EIF3I: variants seen among roughly 807,000 people sequenced by gnomAD.
EIF3I encodes eukaryotic translation initiation factor 3 subunit I, also known as TGF-beta receptor-interacting protein 1.
A neutral mutation model predicts 43.3 loss-of-function variants in EIF3I; 20 were observed. The ratio of observed to expected loss-of-function variants is 0.46; its 90% CI spans 0.32 to 0.67. The LOEUF (loss-of-function observed/expected upper bound fraction) is 0.67, where lower values mean the gene tolerates loss of function less well. EIF3I is among the 30% of genes least tolerant of loss of function. The pLI is 0.03. For synonymous variants in EIF3I, 167 were observed against 151.7 expected (o/e 1.10, Z -0.74); for missense variants, 279 against 421.4 (o/e 0.66, Z 2.96).
At chr1:32,226,037 A>C in intron 4 of EIF3I, 134 bp from the exon 5 acceptor site, 1 of 1,239,330 alleles carries the variant, frequency 8.1e-7, no homozygotes, top group South Asian at 1.6e-5. Flanking sequence ...GAAAAAAAAA[A>C]AGAAAAGTTA....
chr1:32,229,342 G>A (rs1010450040), intron 9 of EIF3I, 134 bp downstream of exon 9: 3 of 870,848 alleles, frequency 3.4e-6, no homozygotes, highest in Non-Finnish European at 1.7e-6. Context: ...CTCACTGCAA[G>A]CTCTGCCTCC....
chr1:32,233,617 T>C (rs1639266448), downstream of EIF3I, among the ~76,000 whole-genome samples: 1 of 152,274 alleles, frequency 6.6e-6, no homozygotes, highest in African/African-American at 2.4e-5. Context: ...ATCCCCTTCA[T>C]GCTACCGATG....
At chr1:32,229,960 C>G (rs1476481307) in intron 9 of EIF3I, among the ~76,000 whole-genome samples, 2 of 152,152 alleles carry the variant, frequency 1.3e-5, no homozygotes, top group Non-Finnish European at 2.9e-5. Flanking sequence ...ATTTATTAAG[C>G]TCTTTAAGCA....
downstream of EIF3I, among the ~76,000 whole-genome samples, chr1:32,233,249 G>T (rs1416040136): frequency 1.3e-5 from 2 of 152,184 alleles, no homozygotes; most frequent in Non-Finnish European, 2.9e-5. Context: ...CTGACTCCCA[G>T]GTTCAAGTGA....
At chr1:32,223,135 A>G (rs1009235113) in intron 2 of EIF3I, among the ~76,000 whole-genome samples, 1 of 152,186 alleles carries the variant, frequency 6.6e-6, no homozygotes, top group Non-Finnish European at 1.5e-5. Flanking sequence ...GGGATAATCT[A>G]ATCTTTCTAC....
chr1:32,224,179 T>TGAGTTGG lies in EIF3I; in HGVS notation c.184+74_184+80dup, dbSNP rs551944462. The TGAGTTGG allele has an allele frequency of 1.5e-5, 23 of 1,576,994 alleles. No individual in the cohort carries two copies. The East Asian group carries it at 4.5e-4, about 31-fold the overall frequency. On this transcript the variant is annotated intron_variant, in intron 3 of 11. Coordinates refer to ENST00000676679, the Ensembl canonical transcript of EIF3I. Reference sequence around the variant, plus strand: ...TAGGGTCTGTCAGCGATGGAGAGGCTGAGTTGGGAGTTGGGAGTTGGGGGT... The same window carrying TGAGTTGG: ...TAGGGTCTGTCAGCGATGGAGAGGCTGAGTTGGGAGTTGGGAGTTGGGAGTTGGGGGT...
exon 12 of EIF3I, chr1:32,231,164 C>G (rs771414600): frequency 6.2e-7 from 1 of 1,613,934 alleles, no homozygotes; most frequent in East Asian, 2.2e-5. Flanking sequence ...TTACTTCGAC[C>G]CACAGTACTT....
chr1:32,222,899 C>A lies in EIF3I; in HGVS notation c.96+269C>A, dbSNP rs551243640. Among the ~76,000 whole-genome samples the A allele has an allele frequency of 2.2e-4, 34 of 152,208 alleles. 1 individual carries two copies. The South Asian group carries it at 4.3e-3, about 19-fold the overall frequency. ...GTCGCTTGAGCCCAGGAGTTGGAGA[C>A]CAGCCTGAGCAACGTAGTAAGACCC... On this transcript the variant is annotated intron_variant, in intron 2 of 11. Coordinates refer to ENST00000676679, the Ensembl canonical transcript of EIF3I.
At position 32,222,641 on chromosome 1, in the gene EIF3I, G is replaced by C; in HGVS notation, c.96+11G>C. ...GTGGCCAAGGACCCTGTGAGTGTTG[G>C]CTGGAGGGGGTCCGGGAGGGGCGGG... On this transcript the variant is annotated intron_variant, in intron 2 of 11. Coordinates refer to ENST00000676679, the Ensembl canonical transcript of EIF3I. 1 of 1,613,498 alleles carries C rather than the reference G, an allele frequency of 6.2e-7. No individual in the cohort carries two copies. Among genetic ancestry groups the C allele is most frequent in the Non-Finnish European group, 8.5e-7 (1 of 1,179,476 alleles).
intron 11 of EIF3I, 33 bp from the exon 11 acceptor site, chr1:32,231,082 G>C: frequency 6.2e-7 from 1 of 1,614,002 alleles, no homozygotes; most frequent in Non-Finnish European, 8.5e-7. Flanking sequence ...CCCAGAGTAA[G>C]CACCTGACTG....
intron 5 of EIF3I, 41 bp downstream of exon 5, chr1:32,226,361 C>T (rs377229890): frequency 5.0e-5 from 80 of 1,613,318 alleles, no homozygotes; most frequent in Non-Finnish European, 6.6e-5. Flanking sequence ...GTAAAGGGTA[C>T]AGTTCTAGAG....
chr1:32,227,496 C>T (rs1639166415), intron 6 of EIF3I, among the ~76,000 whole-genome samples: 2 of 151,962 alleles, frequency 1.3e-5, no homozygotes, highest in Non-Finnish European at 2.9e-5. Context: ...GGATCACAGG[C>T]CGGGTGTGGT....
intron 2 of EIF3I, 125 bp downstream of exon 2, chr1:32,222,755 C>A: frequency 2.1e-6 from 2 of 949,110 alleles, no homozygotes; most frequent in Non-Finnish European, 3.3e-6. Context: ...TAGGGAGAGG[C>A]CATGCCGGGG....
Position 32,229,120 on chromosome 1 carries a change from T to C in EIF3I, c.730-15T>C. Reference sequence around the variant, plus strand: ...GTGTCCATTGGTCCCATCTAGAGTTTCTTCTTCCATTCAGGTGGTCCTGGG... The same window carrying C: ...GTGTCCATTGGTCCCATCTAGAGTTCCTTCTTCCATTCAGGTGGTCCTGGG... On this transcript the variant is annotated splice_polypyrimidine_tract_variant and intron_variant, in intron 8 of 11. Coordinates refer to ENST00000676679, the Ensembl canonical transcript of EIF3I. 1 of 1,609,112 alleles carries C rather than the reference T, an allele frequency of 6.2e-7. No individual in the cohort carries two copies. Among genetic ancestry groups the C allele is most frequent in the South Asian group, 1.1e-5 (1 of 90,362 alleles).
At chr1:32,231,487 G>A (rs912501625), downstream of EIF3I, 14 of 230,034 alleles carry the variant, frequency 6.1e-5, no homozygotes, top group African/African-American at 2.6e-4. Context: ...GCAAAACTCC[G>A]TCTCAAAAAA....
intron 9 of EIF3I, among the ~76,000 whole-genome samples, chr1:32,229,644 G>A (rs574715902): frequency 4.0e-5 from 6 of 149,178 alleles, no homozygotes; most frequent in South Asian, 4.2e-4. Context: ...TCTGCTTCCC[G>A]GGTTCAAGCA....
intron 9 of EIF3I, among the ~76,000 whole-genome samples, chr1:32,229,429 T>C (rs989190036): frequency 1.3e-5 from 2 of 152,124 alleles, no homozygotes; most frequent in African/African-American, 4.8e-5. Flanking sequence ...TTTGTATTTT[T>C]AGTAGAGACG....
At chr1:32,224,384 C>T (rs768670755) in intron 3 of EIF3I, 26 bp from the exon 4 acceptor site, 13 of 1,605,326 alleles carry the variant, frequency 8.1e-6, no homozygotes, top group South Asian at 1.1e-5. Flanking sequence ...GGGTGAACTT[C>T]GTCATATTTC....
chr1:32,229,484 G>A (rs1406041720), intron 9 of EIF3I, among the ~76,000 whole-genome samples: 4 of 151,312 alleles, frequency 2.6e-5, no homozygotes, highest in East Asian at 1.9e-4. Flanking sequence ...TCCTGACCTC[G>A]TGATACGCCC....
Sources: allele counts gnomAD v4.1 joint callset (sites outside exome capture counted in the v4.1 genomes callset), GRCh38; gene constraint gnomAD v4.1.1; transcripts MANE v1.5; gene names NCBI Gene and HGNC (gene_info 2026-07-23, HGNC 2026-07-21).